The following SIRPG variants were observed in gnomAD, a reference collection of about 807,000 sequenced individuals.
SIRPG encodes the protein signal-regulatory protein gamma.
A neutral mutation model predicts 35.7 loss-of-function variants in SIRPG; 38 were observed. The ratio of observed to expected loss-of-function variants is 1.06; its 90% CI spans 0.82 to 1.40. The LOEUF is 1.40. Ranked by LOEUF, SIRPG falls within the 40% of genes most tolerant of loss-of-function variation. The probability of loss-of-function intolerance (pLI) is 0.00; values close to 1 mark genes in which losing one functional copy is unlikely to be tolerated. For missense variants in SIRPG, 519 were observed against 483.0 expected (o/e 1.07, Z -0.70); for synonymous variants, 215 against 190.4 (o/e 1.13, Z -1.06).
At chr20:1,655,558 C>A (rs1446545905) in intron 1 of SIRPG, among the ~76,000 whole-genome samples, 2 of 151,966 alleles carry the variant, frequency 1.3e-5, no homozygotes, top group East Asian at 3.9e-4. Context: ...TCAAAGGATA[C>A]AAAATTTCAA....
chr20:1,678,539 T>G, the SIRPG span, among the ~76,000 whole-genome samples: 2 of 151,892 alleles, frequency 1.3e-5, no homozygotes, highest in African/African-American at 4.8e-5. Flanking sequence ...GAGGTATAGA[T>G]ACAACAAAAA....
rs71193923 is a variant in SIRPG, at chr20:1,650,004, GTATA to G, written c.74-600_74-597del. 1.0e-4 allele frequency among the ~76,000 whole-genome samples: 10 copies of G among 98,816 alleles called. 1 individual carries two copies. Among genetic ancestry groups the G allele is most frequent in the African/African-American group, 2.7e-4 (7 of 25,718 alleles). The allele number at this position is 98,816 out of a possible 152,430, so 64.8% of individuals were successfully genotyped here. On this transcript the variant is annotated intron_variant, in intron 1 of 5. Coordinates refer to ENST00000303415, the MANE Select transcript of SIRPG (RefSeq NM_018556.4). ...ACTCCTGAACTCTACTTTGAAGTGT[GTATA>G]TATATATATATATATATATGTCATA... is the stretch of plus-strand genomic sequence containing the variant.
chr20:1,632,365 T>C (rs11699714), intron 4 of SIRPG, among the ~76,000 whole-genome samples: 5,612 of 152,182 alleles, frequency 0.037, 152 homozygotes, highest in Middle Eastern at 0.058. Context: ...GTGCACAGTC[T>C]CTTACCCGGC....
intron 2 of SIRPG, among the ~76,000 whole-genome samples, chr20:1,642,527 G>T (rs1261446068): frequency 2.6e-5 from 4 of 152,126 alleles, no homozygotes; most frequent in Admixed American, 6.5e-5. Context: ...TATCCAATTT[G>T]CCTGTCTATG....
At chr20:1,639,784 A>T (rs2091837132) in intron 2 of SIRPG, among the ~76,000 whole-genome samples, 1 of 152,120 alleles carries the variant, frequency 6.6e-6, no homozygotes, top group Non-Finnish European at 1.5e-5. Flanking sequence ...ACCCATCTTC[A>T]GTTAATTTTT....
At chr20:1,659,172 T>C (rs2091989554), upstream of SIRPG, among the ~76,000 whole-genome samples, 1 of 152,242 alleles carries the variant, frequency 6.6e-6, no homozygotes, top group African/African-American at 2.4e-5. Context: ...TCTGCCACCG[T>C]TGTGCCTTAG....
At chr20:1,683,041 A>C in the SIRPG span, among the ~76,000 whole-genome samples, 1 of 152,222 alleles carries the variant, frequency 6.6e-6, no homozygotes, top group African/African-American at 2.4e-5. Context: ...GAACTCAAGC[A>C]ACTCAATTAT....
upstream of SIRPG, among the ~76,000 whole-genome samples, chr20:1,660,403 T>G (rs2091992969): frequency 6.6e-6 from 1 of 152,174 alleles, no homozygotes; most frequent in Non-Finnish European, 1.5e-5. Context: ...TCTTTTCCTA[T>G]TGCTCTATTT....
chr20:1,638,654 C>A (rs2091823917), intron 2 of SIRPG, among the ~76,000 whole-genome samples: 1 of 152,034 alleles, frequency 6.6e-6, no homozygotes. Context: ...GCAGAATATG[C>A]AGGTTTGTTT....
rs570506979 is a variant in SIRPG, at chr20:1,636,313, C to T, written c.623G>A (p.Arg208His). Residue 208 changes from arginine to histidine, a missense_variant, in exon 3 of 6, where the codon CGC (arginine) becomes CAC (histidine). Physicochemically the swap from Arg to His is conservative, Grantham distance 29. Transcript: ENST00000303415. ...GTCCAGTACCACCCTGGCTGTGCTG[C>T]GGATGCTGTAGGCCACACTCTGTCC... is the stretch of plus-strand genomic sequence containing the variant. ...PTGQSVAYSI[R>H]STARVVLDPW... 40 of 1,614,204 alleles carry T rather than the reference C, an allele frequency of 2.5e-5. No homozygotes were observed. Among genetic ancestry groups the T allele is most frequent in the East Asian group, 1.1e-4 (5 of 44,882 alleles).
chr20:1,630,343 C>A, intron 4 of SIRPG, 37 bp from the exon 5 acceptor site: 1 of 1,509,960 alleles, frequency 6.6e-7, no homozygotes, highest in South Asian at 1.2e-5. Flanking sequence ...ATGAGAGAGA[C>A]CACTTGGGAG....
chr20:1,678,035 T>C, the SIRPG span, among the ~76,000 whole-genome samples: 1 of 152,208 alleles, frequency 6.6e-6, no homozygotes, highest in East Asian at 1.9e-4. Context: ...CATCATGTGG[T>C]ACACCTTACA....
At chr20:1,652,181 C>A (rs1409512609) in intron 1 of SIRPG, among the ~76,000 whole-genome samples, 1 of 152,198 alleles carries the variant, frequency 6.6e-6, no homozygotes, top group Non-Finnish European at 1.5e-5. Flanking sequence ...CCCCTCTCTG[C>A]CTTGTTCTTT....
chr20:1,667,923 T>C, the SIRPG span, among the ~76,000 whole-genome samples: 1 of 152,226 alleles, frequency 6.6e-6, no homozygotes, highest in Admixed American at 6.5e-5. Flanking sequence ...GTATTGACTG[T>C]TCTGCCATCA....
the SIRPG span, among the ~76,000 whole-genome samples, chr20:1,682,399 T>A: frequency 1.1e-4 from 17 of 152,170 alleles, no homozygotes; most frequent in Non-Finnish European, 2.2e-4. Flanking sequence ...ATAAACAGAA[T>A]GAGTGACAAA....
the SIRPG span, chr20:1,670,298 G>A: frequency 4.9e-6 from 1 of 204,894 alleles, no homozygotes; most frequent in Non-Finnish European, 1.1e-5. Context: ...TCACAGGGAG[G>A]GCTCCATAAA....
In SIRPG at chr20:1,635,409, C is replaced by T. The variant is rs937488425; in HGVS notation, c.939G>A (p.Trp313Ter). The T allele has an allele frequency of 1.9e-6, 3 of 1,614,158 alleles. No individual in the cohort carries two copies. Among genetic ancestry groups the T allele is most frequent in the Non-Finnish European group, 2.5e-6 (3 of 1,180,020 alleles). The change falls in exon 4 of 6, where the codon TGG (tryptophan) becomes TGA (stop). Residue 313 changes from tryptophan (W) to a stop codon, truncating the protein, a stop_gained. Coordinates refer to ENST00000303415, the MANE Select transcript of SIRPG (RefSeq NM_018556.4). LOFTEE classifies it high-confidence loss of function. ...NKDGTYNWTSWFLVNISDQRD... is the reference protein window; with the variant it reads ...NKDGTYNWTS ...TTTGGTCAGATATGTTCACCAGGAACCAGCTTGTCCAGTTGTAGGTACCAT... is the reference window on the plus strand; with the variant it reads ...TTTGGTCAGATATGTTCACCAGGAATCAGCTTGTCCAGTTGTAGGTACCAT...
the SIRPG span, among the ~76,000 whole-genome samples, chr20:1,663,190 G>A: frequency 6.6e-6 from 1 of 152,056 alleles, no homozygotes; most frequent in Non-Finnish European, 1.5e-5. Context: ...GTGGGCGCCT[G>A]TAGTCCCAGC....
Position 1,649,199 on chromosome 20 carries a change from T to C in SIRPG, c.283A>G (p.Thr95Ala). The change falls in exon 2 of 6, where the codon ACA becomes GCA. Residue 95 changes from threonine to alanine, a missense_variant. Coordinates refer to ENST00000303415, the MANE Select transcript of SIRPG (RefSeq NM_018556.4). ...GAAAAGTCCATGTTGTTTCTCTTTG[T>C]GAGGTCTGAAACTGTTGTTACCCTG... is the stretch of plus-strand genomic sequence containing the variant. ...FPRVTTVSDL[T>A]KRNNMDFSIR... is the part of the protein sequence containing the mutation. The C allele has an allele frequency of 1.2e-6, 2 of 1,614,160 alleles. No individual in the cohort carries two copies. The highest frequency in any genetic ancestry group is 4.5e-5 in the East Asian group (2 of 44,878).
Sources: gnomAD v4.1 joint callset for allele counts (sites outside exome capture counted in the v4.1 genomes callset) on GRCh38, gnomAD v4.1.1 for gene constraint, MANE v1.5 for transcripts, NCBI Gene and HGNC (gene_info 2026-07-23, HGNC 2026-07-21) for gene names.